The following GRXCR2 variants were observed in gnomAD, a reference collection of about 807,000 sequenced individuals.
GRXCR2 encodes glutaredoxin domain-containing cysteine-rich protein 2.
In GRXCR2, 23 loss-of-function variants were observed where a neutral mutation model predicts 24.8. The ratio of observed to expected loss-of-function variants is 0.93; its 90% CI spans 0.67 to 1.32. GRXCR2 has a LOEUF of 1.32. Among genes scored for constraint, GRXCR2 ranks in the 40% most tolerant of loss-of-function variants. The probability of loss-of-function intolerance (pLI) is 0.00; values close to 1 mark genes in which losing one functional copy is unlikely to be tolerated. For missense variants in GRXCR2, 315 were observed against 303.4 expected, an observed-to-expected ratio of 1.04 and a Z score of -0.28; for synonymous variants, 130 against 116.1, an observed-to-expected ratio of 1.12 and a Z score of -0.77.
upstream of GRXCR2, among the ~76,000 whole-genome samples, chr5:145,876,191 G>GTGTATATATATATATA (rs1412232264): frequency 4.8e-4 from 51 of 105,290 alleles, no homozygotes; most frequent in South Asian, 2.8e-3. Flanking sequence ...GTGTGTGTGT[G>GTGTATATATATATATA]TATATATATA....
At chr5:145,883,615 A>G (rs2149916244) in intron 2 of GRXCR2, among the ~76,000 whole-genome samples, 3 of 152,336 alleles carry the variant, frequency 2.0e-5, no homozygotes, top group Admixed American at 6.5e-5. Context: ...GGTGACAGCC[A>G]GGCACAGTGG....
chr5:145,872,582 C>T (rs1307671636), intron 1 of GRXCR2, 51 bp downstream of exon 1: 19 of 1,455,172 alleles, frequency 1.3e-5, no homozygotes, highest in Middle Eastern at 3.6e-4. Context: ...TCTCTAAACA[C>T]GTTTTAGGAA....
chr5:145,931,621 G>A (rs1475512067), intron 2 of GRXCR2, among the ~76,000 whole-genome samples: 1 of 152,124 alleles, frequency 6.6e-6, no homozygotes, highest in Non-Finnish European at 1.5e-5. Context: ...TCACATTTCT[G>A]CTGTTGTCCT....
upstream of GRXCR2, among the ~76,000 whole-genome samples, chr5:145,875,519 A>G (rs1756599471): frequency 6.6e-6 from 1 of 152,142 alleles, no homozygotes; most frequent in Non-Finnish European, 1.5e-5. Context: ...ACTGCACTCC[A>G]GCCTGGTGAC....
At chr5:145,885,079 T>A (rs919273765) in intron 2 of GRXCR2, among the ~76,000 whole-genome samples, 2 of 146,504 alleles carry the variant, frequency 1.4e-5, no homozygotes, top group African/African-American at 5.2e-5. Flanking sequence ...TACATTATCA[T>A]GCAGCATGTG....
chr5:145,902,101 C>CT (rs561199926), intron 2 of GRXCR2, among the ~76,000 whole-genome samples: 12 of 150,742 alleles, frequency 8.0e-5, no homozygotes, highest in South Asian at 2.1e-4. Context: ...AACCAGTCTT[C>CT]TTTTTTTTTA....
intron 2 of GRXCR2, among the ~76,000 whole-genome samples, chr5:145,931,486 T>C (rs565720262): frequency 6.6e-6 from 1 of 152,324 alleles, no homozygotes; most frequent in South Asian, 2.1e-4. Context: ...TATTTTAAAG[T>C]ACACTCCTCA....
chr5:145,922,713 C>T (rs946854657), intron 2 of GRXCR2, among the ~76,000 whole-genome samples: 1 of 152,188 alleles, frequency 6.6e-6, no homozygotes, highest in African/African-American at 2.4e-5. Flanking sequence ...CACCCAGGGA[C>T]TCATATGGTC....
At chr5:145,927,584 T>A (rs1186675691) in intron 2 of GRXCR2, among the ~76,000 whole-genome samples, 1 of 152,232 alleles carries the variant, frequency 6.6e-6, no homozygotes, top group Non-Finnish European at 1.5e-5. Context: ...GAAGCCCGCT[T>A]GATCATGGTA....
chr5:145,885,581 T>TA (rs1756769002), intron 2 of GRXCR2, among the ~76,000 whole-genome samples: 1 of 152,234 alleles, frequency 6.6e-6, no homozygotes, highest in East Asian at 1.9e-4. Flanking sequence ...GTGAAAATGC[T>TA]AATAATATAA....
intron 2 of GRXCR2, among the ~76,000 whole-genome samples, chr5:145,908,993 C>T (rs565872984): frequency 1.3e-5 from 2 of 152,310 alleles, no homozygotes; most frequent in Non-Finnish European, 2.9e-5. Context: ...CCATCTCTGC[C>T]ACTCATTTGC....
intron 1 of GRXCR2, among the ~76,000 whole-genome samples, chr5:145,869,937 C>T (rs1257285791): frequency 6.6e-6 from 1 of 152,138 alleles, no homozygotes; most frequent in African/African-American, 2.4e-5. Context: ...ATCACAATGA[C>T]GTTGAAGGTC....
At chr5:145,883,603 G>C (rs1756735707) in intron 2 of GRXCR2, among the ~76,000 whole-genome samples, 1 of 152,194 alleles carries the variant, frequency 6.6e-6, no homozygotes, top group Non-Finnish European at 1.5e-5. Flanking sequence ...ATTGAAAGTA[G>C]AGGTGACAGC....
chr5:145,876,214 TATAC>T (rs1343046369), upstream of GRXCR2, among the ~76,000 whole-genome samples: 56 of 139,676 alleles, frequency 4.0e-4, no homozygotes, highest in East Asian at 2.2e-3. Flanking sequence ...TATATATATA[TATAC>T]ACACACACAC....
chr5:145,863,181 G>T (rs1388399027), intron 2 of GRXCR2, among the ~76,000 whole-genome samples: 1 of 152,194 alleles, frequency 6.6e-6, no homozygotes, highest in Non-Finnish European at 1.5e-5. Flanking sequence ...TCTTTCATCA[G>T]ATTCTCACTG....
At chr5:145,926,445 T>C (rs899122802) in intron 2 of GRXCR2, among the ~76,000 whole-genome samples, 1 of 152,218 alleles carries the variant, frequency 6.6e-6, no homozygotes, top group African/African-American at 2.4e-5. Context: ...TTTCTACATA[T>C]GGCTAGCCAG....
rs536260747 is a variant in GRXCR2, at chr5:145,864,802, G to A, written c.564+1699C>T. ...ACTATCTTTAGAGCAGTGTGAAAAC[G>A]GACTAATACAGTGACAAAGGGGGTG... On this transcript the variant is annotated intron_variant, in intron 2 of 2. Coordinates refer to ENST00000377976, the MANE Select transcript of GRXCR2 (RefSeq NM_001080516.2). Among the ~76,000 whole-genome samples, 4 of 152,092 alleles carry A rather than the reference G, an allele frequency of 2.6e-5. 1 individual carries two copies. The South Asian group carries it at 6.2e-4, about 24-fold the overall frequency.
At chr5:145,871,451 T>G (rs1164959738) in intron 1 of GRXCR2, among the ~76,000 whole-genome samples, 2 of 152,182 alleles carry the variant, frequency 1.3e-5, no homozygotes, top group Non-Finnish European at 2.9e-5. Flanking sequence ...GCACTCAATT[T>G]TTCTCTTCTG....
At chr5:145,888,836 T>C (rs1443463454) in intron 2 of GRXCR2, among the ~76,000 whole-genome samples, 3 of 152,124 alleles carry the variant, frequency 2.0e-5, no homozygotes, top group South Asian at 2.1e-4. Flanking sequence ...TACAACTTCA[T>C]TTTTCCTTTT....
Sources: gnomAD v4.1 joint callset for allele counts (sites outside exome capture counted in the v4.1 genomes callset) on GRCh38, gnomAD v4.1.1 for gene constraint, MANE v1.5 for transcripts, NCBI Gene and HGNC (gene_info 2026-07-23, HGNC 2026-07-21) for gene names.